The following TMPRSS5 variants were observed in gnomAD, a reference collection of about 807,000 sequenced individuals.
TMPRSS5 encodes transmembrane serine protease 5.
TMPRSS5 carries 45 observed loss-of-function variants against 59.7 expected under a neutral mutation model. The observed-to-expected ratio is 0.75, with a 90% CI of 0.59 to 0.97. The LOEUF is 0.97. Among genes scored for constraint, TMPRSS5 ranks in the 50% least tolerant of loss-of-function variants. The pLI is 0.00. For missense variants in TMPRSS5, 585 were observed against 596.7 expected, an observed-to-expected ratio of 0.98 and a Z score of 0.20; for synonymous variants, 225 against 232.0, an observed-to-expected ratio of 0.97 and a Z score of 0.27.
At chr11:113,704,603 A>G (rs1953235847) in intron 1 of TMPRSS5, among the ~76,000 whole-genome samples, 1 of 152,124 alleles carries the variant, frequency 6.6e-6, no homozygotes, top group Non-Finnish European at 1.5e-5. Flanking sequence ...GCCATACTTC[A>G]GTGCCTTCAG....
chr11:113,691,708 T>C (rs1952783679), intron 9 of TMPRSS5, among the ~76,000 whole-genome samples: 1 of 151,396 alleles, frequency 6.6e-6, no homozygotes, highest in South Asian at 2.1e-4. Context: ...AAATATGCTA[T>C]TTACTTACTA....
At chr11:113,694,779 G>T in intron 7 of TMPRSS5, 139 bp from the exon 8 acceptor site, 1 of 881,008 alleles carries the variant, frequency 1.1e-6, no homozygotes, top group Non-Finnish European at 1.7e-6. Context: ...CTGGTCCTAA[G>T]TATGGGGGAT....
At chr11:113,690,791 A>G in intron 10 of TMPRSS5, 50 bp downstream of exon 10, 1 of 1,500,742 alleles carries the variant, frequency 6.7e-7, no homozygotes, top group Non-Finnish European at 9.1e-7. Flanking sequence ...CCTGGGGAAG[A>G]ATGCCTCCCA....
intron 12 of TMPRSS5, 39 bp from the exon 13 acceptor site, chr11:113,688,313 T>G: frequency 6.9e-7 from 1 of 1,440,248 alleles, no homozygotes; most frequent in Non-Finnish European, 9.6e-7. Flanking sequence ...ACAGCATGGC[T>G]CTACACTAGC....
rs550365168 is a variant in TMPRSS5 at position 113,706,151 on chromosome 11, A to G, written c.3+71T>C. The G allele has an allele frequency of 5.0e-5, 78 of 1,547,300 alleles. No homozygotes were observed. In the South Asian group the frequency reaches 8.4e-4, roughly 17 times the overall value. ...CTCTTTCCACCAGCCTAGAATCCCA[A>G]GGGCAGAGGAGGGAGAGAGAAAGAA... On this transcript the variant is annotated intron_variant, in intron 1 of 12. Transcript: ENST00000299882.
intron 1 of TMPRSS5, 147 bp from the exon 2 acceptor site, chr11:113,700,315 A>G (rs1053806400): frequency 1.1e-5 from 9 of 809,384 alleles, no homozygotes; most frequent in Non-Finnish European, 1.7e-5. Flanking sequence ...GACTCCCTGT[A>G]TATTCCCACA....
In TMPRSS5 at chr11:113,700,124, T is replaced by C; in HGVS notation, c.48A>G (p.Ala16=). The C allele has an allele frequency of 6.3e-7, 1 of 1,585,838 alleles. No homozygotes were observed. The highest frequency in any genetic ancestry group is 8.6e-7 in the Non-Finnish European group (1 of 1,164,840). The change falls in exon 2 of 13, where the codon GCA becomes GCG. Residue 16 remains alanine, a synonymous_variant. Coordinates refer to ENST00000299882, the MANE Select transcript of TMPRSS5 (RefSeq NM_030770.4). ...DDQPPMEAQY[A]EEGPGPGIFR... Reference sequence around the variant, plus strand: ...AGATCCCAGGTCCTGGGCCCTCCTCTGCATACTGGGCCTCCATAGGGGGTT... The same window carrying C: ...AGATCCCAGGTCCTGGGCCCTCCTCCGCATACTGGGCCTCCATAGGGGGTT...
intron 1 of TMPRSS5, among the ~76,000 whole-genome samples, chr11:113,704,043 AG>A (rs1291689941): frequency 1.3e-5 from 2 of 152,216 alleles, no homozygotes; most frequent in African/African-American, 4.8e-5. Flanking sequence ...ACAGGCCCAC[AG>A]GGATGAAGAG....
intron 3 of TMPRSS5, 144 bp from the exon 4 acceptor site, chr11:113,699,171 A>G: frequency 1.3e-6 from 1 of 773,068 alleles, no homozygotes; most frequent in Non-Finnish European, 2.0e-6. Flanking sequence ...TCTCGGCCTC[A>G]GCCTCTATCT....
chr11:113,691,069 C>T, intron 9 of TMPRSS5, 130 bp from the exon 10 acceptor site: 1 of 816,874 alleles, frequency 1.2e-6, no homozygotes, highest in Non-Finnish European at 1.9e-6. Context: ...TCCTGGGTTC[C>T]ACCAGCCAGG....
At chr11:113,693,896 T>C (rs910731485) in intron 8 of TMPRSS5, among the ~76,000 whole-genome samples, 5 of 152,146 alleles carry the variant, frequency 3.3e-5, no homozygotes, top group African/African-American at 1.2e-4. Context: ...ACCAAATAAT[T>C]ACATGGAAAA....
intron 2 of TMPRSS5, 137 bp downstream of exon 2, chr11:113,699,925 AGCAG>A: frequency 6.6e-7 from 1 of 1,520,780 alleles, no homozygotes; most frequent in Non-Finnish European, 8.8e-7. Flanking sequence ...GGGGAGCAGA[AGCAG>A]GTCTGGGGAT....
rs113629416 is a variant in TMPRSS5, at chr11:113,702,609, A to G, written c.4-2441T>C. Among the ~76,000 whole-genome samples, 174 of 152,346 alleles carry G rather than the reference A, an allele frequency of 1.1e-3. 1 individual carries two copies. The highest frequency in any genetic ancestry group is 3.4e-3 in the Middle Eastern group (1 of 294). ...GGAAAATATCTCCAGGGCATGTCAG[A>G]GACCCGCAGAGCAGTCCCTTCCATT... On this transcript the variant is annotated intron_variant, in intron 1 of 12. Transcript: ENST00000299882.
chr11:113,697,524 A>G, intron 4 of TMPRSS5, 106 bp from the exon 5 acceptor site: 1 of 1,363,094 alleles, frequency 7.3e-7, no homozygotes, highest in Non-Finnish European at 1.0e-6. Flanking sequence ...CCTTAATGAC[A>G]GCATCTGGAT....
At chr11:113,706,013 C>T (rs533908235) in intron 1 of TMPRSS5, among the ~76,000 whole-genome samples, 2 of 152,276 alleles carry the variant, frequency 1.3e-5, no homozygotes, top group Non-Finnish European at 2.9e-5. Context: ...CTTGATAGAT[C>T]TAAGAGGGAT....
At chr11:113,701,924 G>T (rs987387281) in intron 1 of TMPRSS5, among the ~76,000 whole-genome samples, 13 of 151,930 alleles carry the variant, frequency 8.6e-5, no homozygotes, top group African/African-American at 3.1e-4. Flanking sequence ...GTATGCATTC[G>T]GTATTTGTCC....
At chr11:113,705,356 G>C (rs925631748) in intron 1 of TMPRSS5, among the ~76,000 whole-genome samples, 2 of 152,036 alleles carry the variant, frequency 1.3e-5, no homozygotes, top group Non-Finnish European at 2.9e-5. Context: ...CATTCCACTG[G>C]ACCCAGAGCA....
At chr11:113,700,577 C>G (rs1953104538) in intron 1 of TMPRSS5, among the ~76,000 whole-genome samples, 1 of 152,172 alleles carries the variant, frequency 6.6e-6, no homozygotes, top group South Asian at 2.1e-4. Context: ...CCACCATGCA[C>G]CCACCCATCC....
chr11:113,688,407 T>C, intron 12 of TMPRSS5, 133 bp from the exon 13 acceptor site: 1 of 651,780 alleles, frequency 1.5e-6, no homozygotes, highest in Non-Finnish European at 2.7e-6. Flanking sequence ...AAATATCTGC[T>C]GCTCAAGATT....
Sources: allele counts gnomAD v4.1 joint callset (sites outside exome capture counted in the v4.1 genomes callset), GRCh38; gene constraint gnomAD v4.1.1; transcripts MANE v1.5; gene names NCBI Gene and HGNC (gene_info 2026-07-23, HGNC 2026-07-21).